Variants in CLASP1 observed in about 807,000 individuals in gnomAD.
CLASP1 encodes the protein CLIP-associating protein 1.
Under a neutral mutation model 192.3 loss-of-function variants are expected in CLASP1, and 38 were observed. The observed-to-expected ratio is 0.20, with a 90% confidence interval of 0.15 to 0.26. The LOEUF is 0.26. Among genes scored for constraint, CLASP1 ranks in the 10% least tolerant of loss-of-function variants. The probability of loss-of-function intolerance (pLI) is 1.00; values close to 1 mark genes in which losing one functional copy is unlikely to be tolerated. For synonymous variants in CLASP1, 691 were observed against 712.8 expected, an observed-to-expected ratio of 0.97 and a Z score of 0.49; for missense variants, 1,433 against 1,932.5, an observed-to-expected ratio of 0.74 and a Z score of 4.85.
At chr2:121,486,435 G>A (rs1192171679) in intron 8 of CLASP1, among the ~76,000 whole-genome samples, 1 of 152,086 alleles carries the variant, frequency 6.6e-6, no homozygotes, top group African/African-American at 2.4e-5. Flanking sequence ...TTACATAAGA[G>A]TCACCATATA....
chr2:121,588,788 C>A (rs1043863787), intron 2 of CLASP1, among the ~76,000 whole-genome samples: 1 of 152,168 alleles, frequency 6.6e-6, no homozygotes, highest in African/African-American at 2.4e-5. Context: ...GTTCATGATT[C>A]CCCCAGTGGT....
intron 6 of CLASP1, among the ~76,000 whole-genome samples, chr2:121,516,773 A>C (rs2094308966): frequency 6.6e-6 from 1 of 151,762 alleles, no homozygotes; most frequent in African/African-American, 2.4e-5. Context: ...TCACGCCTAT[A>C]ATCCCAGCAC....
chr2:121,504,366 T>C (rs1012452485), intron 7 of CLASP1, among the ~76,000 whole-genome samples: 1 of 152,364 alleles, frequency 6.6e-6, no homozygotes, highest in African/African-American at 2.4e-5. Context: ...CATCCTATCC[T>C]GCCAGCTCTC....
chr2:121,632,620 G>A (rs1576626175), intron 1 of CLASP1, among the ~76,000 whole-genome samples: 1 of 152,100 alleles, frequency 6.6e-6, no homozygotes, highest in East Asian at 1.9e-4. Flanking sequence ...AAATGCGCTG[G>A]ACGCGGTGGC....
At chr2:121,566,716 T>A (rs1199297572) in intron 2 of CLASP1, among the ~76,000 whole-genome samples, 1 of 152,206 alleles carries the variant, frequency 6.6e-6, no homozygotes, top group Non-Finnish European at 1.5e-5. Flanking sequence ...ATGCTCAAAC[T>A]AGTACCCAAC....
intron 2 of CLASP1, among the ~76,000 whole-genome samples, chr2:121,582,744 C>A (rs1224131229): frequency 6.6e-6 from 1 of 151,876 alleles, no homozygotes; most frequent in Non-Finnish European, 1.5e-5. Context: ...AAAATCCTTA[C>A]ACCTTCAAAA....
At chr2:121,376,581 A>G (rs1337589305) in intron 34 of CLASP1, among the ~76,000 whole-genome samples, 1 of 152,136 alleles carries the variant, frequency 6.6e-6, no homozygotes, top group African/African-American at 2.4e-5. Context: ...AATTGCAGCT[A>G]GGTAAGAGGA....
chr2:121,422,630 G>GC (rs1316441420), intron 22 of CLASP1, among the ~76,000 whole-genome samples: 1 of 152,090 alleles, frequency 6.6e-6, no homozygotes, highest in African/African-American at 2.4e-5. Flanking sequence ...CAAGAAAAAA[G>GC]AGTATCAGGG....
At chr2:121,428,275 T>C (rs1276410324) in intron 20 of CLASP1, among the ~76,000 whole-genome samples, 3 of 152,200 alleles carry the variant, frequency 2.0e-5, no homozygotes, top group Non-Finnish European at 2.9e-5. Flanking sequence ...TTGACCTAGC[T>C]GGGGCAGGGA....
intron 19 of CLASP1, among the ~76,000 whole-genome samples, chr2:121,433,469 A>C (rs1421739007): frequency 2.0e-5 from 3 of 152,148 alleles, no homozygotes; most frequent in African/African-American, 7.2e-5. Context: ...ATTTTAAAGT[A>C]ATAGGTGAGG....
At chr2:121,624,231 T>C (rs1018070497) in intron 1 of CLASP1, among the ~76,000 whole-genome samples, 3 of 152,196 alleles carry the variant, frequency 2.0e-5, no homozygotes, top group Non-Finnish European at 4.4e-5. Flanking sequence ...AAGATTAGGT[T>C]ATGGATTTGA....
intron 34 of CLASP1, 52 bp downstream of exon 35, chr2:121,377,446 AT>A: frequency 1.5e-6 from 2 of 1,321,486 alleles, no homozygotes; most frequent in Non-Finnish European, 2.1e-6. Flanking sequence ...CAGAAGTCTC[AT>A]TATCTGTCAT....
intron 8 of CLASP1, among the ~76,000 whole-genome samples, chr2:121,491,276 T>C (rs1396224263): frequency 6.6e-6 from 1 of 152,376 alleles, no homozygotes; most frequent in East Asian, 1.9e-4. Flanking sequence ...CAAATAAATA[T>C]TGGGTCTTTT....
At position 121,518,455 on chromosome 2, in the gene CLASP1, T is replaced by G. The variant is rs2094378780; in HGVS notation, c.547-2693A>C. Among the ~76,000 whole-genome samples, 8 of 152,170 alleles carry G rather than the reference T, an allele frequency of 5.3e-5. No individual in the cohort carries two copies. In the South Asian group the frequency reaches 1.7e-3, roughly 32 times the overall value. On this transcript the variant is annotated intron_variant, in intron 6 of 39. Transcript: ENST00000263710. ...CTCTAAAACTGTGAAAAAATTAATTTCTGTTGTTTAACTCACTCGGTCTAC... is the reference window on the plus strand; with the variant it reads ...CTCTAAAACTGTGAAAAAATTAATTGCTGTTGTTTAACTCACTCGGTCTAC...
chr2:121,527,451 C>A (rs1265392524), intron 5 of CLASP1, among the ~76,000 whole-genome samples: 1 of 152,128 alleles, frequency 6.6e-6, no homozygotes, highest in Non-Finnish European at 1.5e-5. Flanking sequence ...AGAACAGATT[C>A]CTGGAAATTC....
chr2:121,551,299 G>T (rs1447985703), intron 2 of CLASP1, among the ~76,000 whole-genome samples: 1 of 152,168 alleles, frequency 6.6e-6, no homozygotes, highest in East Asian at 1.9e-4. Context: ...ACAAGACAAG[G>T]ATGCTCACTC....
rs541700329 is a variant in CLASP1, at chr2:121,549,770, C to T, written c.196-19445G>A. ...CCTGTAATCCCAGCACTGTGGGAGG[C>T]AGAGGCGGGCAGATCATGAGGTCAG... On this transcript the variant is annotated intron_variant, in intron 2 of 39. Coordinates refer to ENST00000263710, the Ensembl canonical transcript of CLASP1. 6.7e-5 allele frequency among the ~76,000 whole-genome samples: 10 copies of T among 148,772 alleles called. No homozygotes were observed. In the South Asian group the frequency reaches 2.1e-3, roughly 32 times the overall value.
intron 6 of CLASP1, 60 bp downstream of exon 6, chr2:121,525,785 G>C: frequency 8.4e-7 from 1 of 1,184,706 alleles, no homozygotes; most frequent in Non-Finnish European, 1.3e-6. Flanking sequence ...CGGAACACCA[G>C]AATGCATCTC....
intron 7 of CLASP1, chr2:121,513,187 T>C (rs1162453375): frequency 6.6e-6 from 1 of 152,176 alleles, no homozygotes; most frequent in African/African-American, 2.4e-5. Context: ...TTGTAGTAAA[T>C]GCAAGGAAAC....
Sources: allele counts gnomAD v4.1 joint callset (sites outside exome capture counted in the v4.1 genomes callset), GRCh38; gene constraint gnomAD v4.1.1; transcripts MANE v1.5; gene names NCBI Gene and HGNC (gene_info 2026-07-23, HGNC 2026-07-21).